YPEL2: variants seen among roughly 807,000 people sequenced by gnomAD.
The protein encoded by YPEL2 is protein yippee-like 2.
In YPEL2, 2 loss-of-function variants were observed where a neutral mutation model predicts 19.1. The ratio of observed to expected loss-of-function variants is 0.10; its 90% CI spans 0.04 to 0.33. The LOEUF (loss-of-function observed/expected upper bound fraction) is 0.33, where lower values mean the gene tolerates loss of function less well. Ranked by LOEUF, YPEL2 falls within the 10% of genes least tolerant of loss-of-function variation. YPEL2 has a pLI of 1.00. For synonymous variants in YPEL2, 52 were observed against 50.0 expected (o/e 1.04, Z -0.17); for missense variants, 66 against 140.7 (o/e 0.47, Z 2.68).
chr17:59,337,030 G>A (rs982586915), intron 1 of YPEL2, among the ~76,000 whole-genome samples: 1 of 152,128 alleles, frequency 6.6e-6, no homozygotes, highest in Non-Finnish European at 1.5e-5. Flanking sequence ...TATTTTTACC[G>A]AGTTGGGCTT....
At chr17:59,341,761 T>C (rs1418882178) in intron 1 of YPEL2, among the ~76,000 whole-genome samples, 1 of 152,178 alleles carries the variant, frequency 6.6e-6, no homozygotes, top group Non-Finnish European at 1.5e-5. Flanking sequence ...AGAAGGAGGA[T>C]TGAAGGAGAA....
chr17:59,376,996 A>G (rs1452566579), intron 2 of YPEL2, among the ~76,000 whole-genome samples: 1 of 151,464 alleles, frequency 6.6e-6, no homozygotes, highest in African/African-American at 2.4e-5. Flanking sequence ...GGAAAGAAAG[A>G]AAATATTTTG....
intron 2 of YPEL2, among the ~76,000 whole-genome samples, chr17:59,377,893 G>A (rs527477909): frequency 2.6e-5 from 4 of 152,264 alleles, no homozygotes; most frequent in East Asian, 3.9e-4. Context: ...GGAAGCACAC[G>A]TTTATTAAAT....
chr17:59,361,325 C>T (rs2047839806), intron 2 of YPEL2, among the ~76,000 whole-genome samples: 1 of 152,162 alleles, frequency 6.6e-6, no homozygotes, highest in African/African-American at 2.4e-5. Context: ...ATGCACATAG[C>T]ACTATTCTAG....
chr17:59,383,436 A>G (rs533998243), intron 2 of YPEL2, among the ~76,000 whole-genome samples: 2 of 150,496 alleles, frequency 1.3e-5, no homozygotes, highest in East Asian at 3.9e-4. Context: ...GTGTCCACTA[A>G]AAATACAAAA....
intron 2 of YPEL2, among the ~76,000 whole-genome samples, chr17:59,383,091 C>T (rs2047958045): frequency 6.6e-6 from 1 of 152,174 alleles, no homozygotes; most frequent in African/African-American, 2.4e-5. Flanking sequence ...GAATTGCTTA[C>T]AATTCCTAAT....
rs1201662993 is a variant in YPEL2, at chr17:59,388,359, C to G, written c.150C>G (p.Leu50=). The change falls in exon 3 of 5, where the codon CTC becomes CTG. Residue 50 remains leucine (L), a synonymous_variant. Coordinates refer to ENST00000312655, the MANE Select transcript of YPEL2 (RefSeq NM_001005404.4). The stretch of plus-strand genomic sequence containing the variant: ...AAGGAAGTCAAGGACGAGCATACCT[C>G]TTTAACTCAGTGTGAGTGCCTCTGA... The part of the protein sequence containing the change: ...SFQGSQGRAY[L]FNSVVNVGCG... The G allele has an allele frequency of 1.2e-6, 2 of 1,614,194 alleles. No individual in the cohort carries two copies. Among genetic ancestry groups the G allele is most frequent in the Non-Finnish European group, 1.7e-6 (2 of 1,180,022 alleles).
chr17:59,333,068 G>A (rs1283872682), intron 1 of YPEL2, among the ~76,000 whole-genome samples: 1 of 152,242 alleles, frequency 6.6e-6, no homozygotes, highest in Non-Finnish European at 1.5e-5. Context: ...TGGCTCTGGG[G>A]TGGGACTTGA....
intron 2 of YPEL2, among the ~76,000 whole-genome samples, chr17:59,364,140 A>G (rs1047612388): frequency 2.0e-5 from 3 of 152,122 alleles, no homozygotes; most frequent in Admixed American, 6.5e-5. Context: ...AAGATTCTCA[A>G]TGTCCTGGAG....
At chr17:59,385,529 G>A (rs1411733654) in intron 2 of YPEL2, among the ~76,000 whole-genome samples, 1 of 152,174 alleles carries the variant, frequency 6.6e-6, no homozygotes, top group African/African-American at 2.4e-5. Context: ...AGTGAGCCAT[G>A]ATCGTGCCTT....
chr17:59,334,772 T>C (rs2147931477), intron 1 of YPEL2, among the ~76,000 whole-genome samples: 1 of 152,352 alleles, frequency 6.6e-6, no homozygotes, highest in Non-Finnish European at 1.5e-5. Flanking sequence ...GTGTGCCTTA[T>C]GGGAGCATCA....
intron 4 of YPEL2, among the ~76,000 whole-genome samples, chr17:59,392,735 A>G (rs1040576462): frequency 5.9e-5 from 9 of 151,838 alleles, no homozygotes; most frequent in African/African-American, 2.2e-4. Flanking sequence ...GCTGGTCTCG[A>G]ACTCCTCACC....
At chr17:59,367,729 G>A (rs571554616) in intron 2 of YPEL2, among the ~76,000 whole-genome samples, 183 of 152,250 alleles carry the variant, frequency 1.2e-3, no homozygotes, top group African/African-American at 4.2e-3. Flanking sequence ...GGTCTTAATT[G>A]ACACCCTGGT....
chr17:59,376,813 G>A (rs140793006), intron 2 of YPEL2, among the ~76,000 whole-genome samples: 1 of 151,818 alleles, frequency 6.6e-6, no homozygotes, highest in Non-Finnish European at 1.5e-5. Context: ...GTCAGGCGTG[G>A]TGGTGGGCGC....
chr17:59,352,411 A>T (rs995951896), intron 1 of YPEL2, among the ~76,000 whole-genome samples: 14 of 152,178 alleles, frequency 9.2e-5, no homozygotes, highest in Non-Finnish European at 1.9e-4. Context: ...CCAGTAAAAG[A>T]GCTGAGGCTG....
chr17:59,339,474 A>G (rs1271898013), intron 1 of YPEL2, among the ~76,000 whole-genome samples: 1 of 152,136 alleles, frequency 6.6e-6, no homozygotes. Context: ...GGTTATTCCC[A>G]TCCCTCATTT....
rs2048057397 is a variant in YPEL2 at position 59,399,268 on chromosome 17, T to C, written c.*2078T>C. ...CTTCCCCCTCCTCAAGGAAATAGTC[T>C]TCCTTTATGGATTTTCATTGGACTC... On this transcript the variant is annotated 3_prime_UTR_variant, in exon 5 of 5. Coordinates refer to ENST00000312655, the MANE Select transcript of YPEL2 (RefSeq NM_001005404.4). The C allele has an allele frequency of 6.6e-6, 1 of 152,668 alleles. No homozygotes were observed. Among genetic ancestry groups the C allele is most frequent in the African/African-American group, 2.4e-5 (1 of 41,470 alleles). The allele number at this position is 152,668 out of a possible 1,614,324, so 9.5% of individuals were successfully genotyped here.
intron 1 of YPEL2, among the ~76,000 whole-genome samples, chr17:59,344,593 A>C (rs1295551963): frequency 6.6e-6 from 1 of 152,162 alleles, no homozygotes; most frequent in Admixed American, 6.5e-5. Flanking sequence ...CCCCGTCTCT[A>C]CTAAAAATAC....
intron 4 of YPEL2, among the ~76,000 whole-genome samples, chr17:59,392,736 A>G (rs766517905): frequency 8.6e-5 from 13 of 150,538 alleles, no homozygotes; most frequent in Middle Eastern, 6.4e-3. Flanking sequence ...CTGGTCTCGA[A>G]CTCCTCACCT....
Sources: allele counts gnomAD v4.1 joint callset (sites outside exome capture counted in the v4.1 genomes callset), GRCh38; gene constraint gnomAD v4.1.1; transcripts MANE v1.5; gene names NCBI Gene and HGNC (gene_info 2026-07-23, HGNC 2026-07-21).